Variants in MCU observed in about 807,000 individuals in gnomAD.
MCU encodes the protein mitochondrial calcium uniporter.
Under a neutral mutation model 45.2 loss-of-function variants are expected in MCU, and 12 were observed. The ratio of observed to expected loss-of-function variants is 0.27; its 90% confidence interval spans 0.17 to 0.43. MCU has a LOEUF of 0.43. Ranked by LOEUF, MCU falls within the 20% of genes least tolerant of loss-of-function variation. The pLI, the probability that MCU is intolerant of heterozygous loss-of-function variation, is 1.00. For synonymous variants in MCU, 160 were observed against 165.1 expected (o/e 0.97, Z 0.24); for missense variants, 324 against 436.7 (o/e 0.74, Z 2.30).
At chr10:72,852,312 A>G (rs1845219384) in intron 2 of MCU, among the ~76,000 whole-genome samples, 1 of 152,268 alleles carries the variant, frequency 6.6e-6, no homozygotes, top group Non-Finnish European at 1.5e-5. Flanking sequence ...CATGCTATAT[A>G]TTCAATTCAA....
At chr10:72,710,100 T>G (rs1454754163) in intron 1 of MCU, among the ~76,000 whole-genome samples, 1 of 152,124 alleles carries the variant, frequency 6.6e-6, no homozygotes, top group Non-Finnish European at 1.5e-5. Flanking sequence ...CTCAGCCTCC[T>G]GAGTAGCTGG....
Position 72,709,675 on chromosome 10 carries a change from T to G in MCU, c.150+17374T>G, listed in dbSNP as rs961524664. ...ATAGATGTCAATAGTTTGGTTTTGT[T>G]TATTTATTTTCTTGTTTTAACCCCA... On this transcript the variant is annotated intron_variant, in intron 1 of 7. Coordinates refer to ENST00000373053, the MANE Select transcript of MCU (RefSeq NM_138357.3). Among the ~76,000 whole-genome samples, 4 of 152,306 alleles carry G rather than the reference T, an allele frequency of 2.6e-5. No individual in the cohort carries two copies. The South Asian group carries it at 6.2e-4, about 24-fold the overall frequency.
intron 1 of MCU, among the ~76,000 whole-genome samples, chr10:72,696,304 A>G (rs1301122873): frequency 6.6e-6 from 1 of 151,334 alleles, no homozygotes; most frequent in Admixed American, 6.6e-5. Context: ...CGTCTGGCCA[A>G]AAATTCCTTT....
At chr10:72,753,373 A>G (rs983001900) in intron 1 of MCU, among the ~76,000 whole-genome samples, 2 of 152,230 alleles carry the variant, frequency 1.3e-5, no homozygotes, top group Non-Finnish European at 2.9e-5. Flanking sequence ...ACTCGTTGTT[A>G]CATTGTACAA....
intron 5 of MCU, among the ~76,000 whole-genome samples, chr10:72,869,184 C>G (rs1179508437): frequency 2.0e-5 from 3 of 152,138 alleles, no homozygotes; most frequent in Non-Finnish European, 4.4e-5. Context: ...ATGATTTTAG[C>G]CAAGTTAAGA....
intron 3 of MCU, 66 bp downstream of exon 3, chr10:72,859,413 A>G (rs1319169691): frequency 7.0e-7 from 1 of 1,420,886 alleles, no homozygotes; most frequent in South Asian, 1.3e-5. Context: ...TTCTAGACAC[A>G]TACATACACC....
intron 1 of MCU, among the ~76,000 whole-genome samples, chr10:72,714,833 A>T (rs548358493): frequency 6.6e-6 from 1 of 152,134 alleles, no homozygotes. Flanking sequence ...GGCGTGAGCC[A>T]CTGCGCCCTG....
Position 72,884,278 on chromosome 10 carries a change from C to A in MCU, c.874C>A (p.Pro292Thr). The A allele has an allele frequency of 1.9e-6, 3 of 1,600,758 alleles. No homozygotes were observed. Among genetic ancestry groups the A allele is most frequent in the Non-Finnish European group, 2.6e-6 (3 of 1,168,286 alleles). Reference protein sequence around the residue: ...FVMTRQEYVYPEARDRQYLLF... With the variant: ...FVMTRQEYVYTEARDRQYLLF... ...TTCATTTTTTTAGGAATATGTTTAT[C>A]CAGAAGCCAGAGACAGACAATACTT... Residue 292 changes from proline to threonine, a missense_variant, in exon 7 of 8, where the codon CCA (proline) becomes ACA (threonine). Physicochemically the swap from Pro to Thr is conservative, Grantham distance 38 (BLOSUM62 -1). Coordinates refer to ENST00000373053, the MANE Select transcript of MCU (RefSeq NM_138357.3).
At chr10:72,816,640 G>A (rs557208017) in intron 1 of MCU, among the ~76,000 whole-genome samples, 7 of 152,278 alleles carry the variant, frequency 4.6e-5, no homozygotes, top group African/African-American at 1.7e-4. Flanking sequence ...TTTAGCTGGG[G>A]TGGTGGCAAG....
rs75450415 is a variant in MCU, at chr10:72,779,975, T to C, written c.151-54384T>C. On this transcript the variant is annotated intron_variant, in intron 1 of 7. Transcript: ENST00000373053. ...AAAAGCACATATCTACACAAAAACA[T>C]GTACATATGTTCATAGCAGCATTAG... 2.1e-4 allele frequency among the ~76,000 whole-genome samples: 32 copies of C among 152,284 alleles called. 1 individual carries two copies. The East Asian group carries it at 6.2e-3, about 29-fold the overall frequency.
chr10:72,852,863 G>C (rs1306621562), intron 2 of MCU, among the ~76,000 whole-genome samples: 1 of 152,232 alleles, frequency 6.6e-6, no homozygotes, highest in South Asian at 2.1e-4. Context: ...ACTATTGCCA[G>C]TAATATAAAA....
At chr10:72,693,695 A>G (rs1306318093) in intron 1 of MCU, among the ~76,000 whole-genome samples, 1 of 152,212 alleles carries the variant, frequency 6.6e-6, no homozygotes, top group Non-Finnish European at 1.5e-5. Context: ...GCATACTGGC[A>G]TATTGCTTTG....
At position 72,861,230 on chromosome 10, in the gene MCU, C is replaced by T. The variant is rs558322032; in HGVS notation, c.496+703C>T. On this transcript the variant is annotated intron_variant, in intron 4 of 7. Transcript: ENST00000373053. ...TTGTAGAGATGAAGTCTCACTATGT[C>T]ACCCAGGCTGGTCTTGAACTTCTGG... is the stretch of plus-strand genomic sequence containing the variant. Among the ~76,000 whole-genome samples, 27 of 152,026 alleles carry T rather than the reference C, an allele frequency of 1.8e-4. No individual in the cohort carries two copies. The East Asian group carries it at 4.5e-3, about 25-fold the overall frequency.
At chr10:72,750,328 T>A (rs1900134) in intron 1 of MCU, among the ~76,000 whole-genome samples, 101,675 of 152,146 alleles carry the variant, frequency 0.67, 35,939 homozygotes, top group African/African-American at 0.84. Flanking sequence ...CCAATGTGAC[T>A]GAAGGATGTT....
intron 1 of MCU, among the ~76,000 whole-genome samples, chr10:72,816,828 G>A (rs1009678421): frequency 6.6e-6 from 1 of 152,228 alleles, no homozygotes; most frequent in East Asian, 1.9e-4. Context: ...GAATCTTCTG[G>A]ACAGCCAGGC....
Position 72,885,986 on chromosome 10 carries a change from C to G in MCU, c.*164C>G. 1 of 593,804 alleles carries G rather than the reference C, an allele frequency of 1.7e-6. No homozygotes were observed. The allele number at this position is 593,804 out of a possible 1,614,324, so 36.8% of individuals were successfully genotyped here. The stretch of plus-strand genomic sequence containing the variant: ...TGAGGGAAGAAGGGAATGTTAAAAC[C>G]TGAGGATCAGGCATTGTGGAATATA... On this transcript the variant is annotated 3_prime_UTR_variant, in exon 8 of 8. Coordinates refer to ENST00000373053, the MANE Select transcript of MCU (RefSeq NM_138357.3).
chr10:72,825,026 G>A (rs1000002936), intron 1 of MCU, among the ~76,000 whole-genome samples: 3 of 152,112 alleles, frequency 2.0e-5, no homozygotes, highest in Non-Finnish European at 2.9e-5. Flanking sequence ...AGCAACATGG[G>A]AGTGTACATT....
In MCU at chr10:72,692,173, T is replaced by C; in HGVS notation, c.22T>C (p.Ser8Pro). 2.3e-6 allele frequency: 3 copies of C among 1,286,876 alleles called. No homozygotes were observed. The highest frequency in any genetic ancestry group is 3.0e-6 in the Non-Finnish European group (3 of 1,010,046). The allele number at this position is 1,286,876 out of a possible 1,614,324, so 79.7% of individuals were successfully genotyped here. Reference sequence around the variant, plus strand: ...AGAGATGGCGGCCGCCGCAGGTAGATCGCTCCTGCTGCTCCTCTCCTCTCG... The same window carrying C: ...AGAGATGGCGGCCGCCGCAGGTAGACCGCTCCTGCTGCTCCTCTCCTCTCG... MAAAAGR[S>P]LLLLLSSRGG... The change falls in exon 1 of 8, where the codon TCG becomes CCG. Residue 8 changes from serine (S) to proline (P), a missense_variant. By Grantham distance (74) the Ser-to-Pro change is moderately conservative (BLOSUM62 -1). Transcript: ENST00000373053.
intron 1 of MCU, among the ~76,000 whole-genome samples, chr10:72,781,750 T>A (rs969375132): frequency 1.3e-5 from 2 of 151,488 alleles, no homozygotes; most frequent in African/African-American, 4.9e-5. Context: ...GGAACCTACT[T>A]TTATGTTATT....
Sources: allele counts gnomAD v4.1 joint callset (sites outside exome capture counted in the v4.1 genomes callset), GRCh38; gene constraint gnomAD v4.1.1; transcripts MANE v1.5; gene names NCBI Gene and HGNC (gene_info 2026-07-23, HGNC 2026-07-21).